RPRD2: variants seen among roughly 807,000 people sequenced by gnomAD.
The protein encoded by RPRD2 is regulation of nuclear pre-mRNA domain containing 2, also known as regulation of nuclear pre-mRNA domain-containing protein 2.
A neutral mutation model predicts 104.4 loss-of-function variants in RPRD2; 12 were observed. The ratio of observed to expected loss-of-function variants is 0.11; its 90% CI spans 0.07 to 0.19. The LOEUF (loss-of-function observed/expected upper bound fraction) is 0.19. RPRD2 is among the 10% of genes least tolerant of loss of function. RPRD2 has a pLI of 1.00. For synonymous variants in RPRD2, 714 were observed against 684.9 expected, an observed-to-expected ratio of 1.04 and a Z score of -0.66; for missense variants, 1,543 against 1,790.1, an observed-to-expected ratio of 0.86 and a Z score of 2.49.
intron 4 of RPRD2, among the ~76,000 whole-genome samples, 196 bp downstream of exon 4, chr1:150,442,154 C>G (rs1294427860): frequency 4.2e-5 from 6 of 141,374 alleles, no homozygotes; most frequent in Non-Finnish European, 9.2e-5. Context: ...CAAACAAAAA[C>G]TACACTTTAA....
At chr1:150,386,551 T>G (rs1390905936) in intron 1 of RPRD2, among the ~76,000 whole-genome samples, 1 of 152,190 alleles carries the variant, frequency 6.6e-6, no homozygotes, top group Non-Finnish European at 1.5e-5. Flanking sequence ...CAATCTGTGG[T>G]ACATATTGAG....
At chr1:150,434,165 G>C (rs868977841) in intron 2 of RPRD2, among the ~76,000 whole-genome samples, 2 of 152,110 alleles carry the variant, frequency 1.3e-5, no homozygotes, top group South Asian at 4.1e-4. Context: ...GACCAGCCTG[G>C]CCAACGTGGC....
chr1:150,431,787 G>A (rs1553891844), intron 2 of RPRD2, among the ~76,000 whole-genome samples: 2 of 151,922 alleles, frequency 1.3e-5, no homozygotes, highest in Non-Finnish European at 2.9e-5. Context: ...GGCCAAAAAG[G>A]AAGGAAATTC....
At chr1:150,451,110 A>C in intron 7 of RPRD2, among the ~76,000 whole-genome samples, 1 of 152,114 alleles carries the variant, frequency 6.6e-6, no homozygotes, top group East Asian at 1.9e-4. Context: ...CGTGACCTAA[A>C]TATGTTTGAA....
rs587687687 is a variant in RPRD2, at chr1:150,473,337, G to C, written c.*3G>C. 2.5e-6 allele frequency: 4 copies of C among 1,599,892 alleles called. No individual in the cohort carries two copies. In the Admixed American group the frequency reaches 5.2e-5, roughly 21 times the overall value. Reference sequence around the variant, plus strand: ...CATTCTTCCCTCCCAGGTACTGATGGAAACCAAGGGAAAGGCATTTTGAAC... The same window carrying C: ...CATTCTTCCCTCCCAGGTACTGATGCAAACCAAGGGAAAGGCATTTTGAAC... On this transcript the variant is annotated 3_prime_UTR_variant, in exon 11 of 11. Coordinates refer to ENST00000369068, the MANE Select transcript of RPRD2 (RefSeq NM_015203.5).
chr1:150,413,794 G>T (rs914897811), intron 1 of RPRD2, among the ~76,000 whole-genome samples: 3 of 150,072 alleles, frequency 2.0e-5, no homozygotes, highest in Non-Finnish European at 4.4e-5. Flanking sequence ...GCATGGTGAC[G>T]CATGCCTGTA....
Position 150,470,796 on chromosome 1 carries a change from G to A in RPRD2, c.1848G>A (p.Gly616=). The stretch of plus-strand genomic sequence containing the variant: ...AGGCCTCAATTGGGCAAAGCCCAGG[G>A]CTCCCAAGCACTACTTTTAAACTAC... ...ASKASIGQSP[G]LPSTTFKLPS... is the part of the protein sequence containing the mutation. Residue 616 remains glycine, a synonymous_variant, in exon 11 of 11, where the codon GGG becomes GGA. Coordinates refer to ENST00000369068, the MANE Select transcript of RPRD2 (RefSeq NM_015203.5). The A allele has an allele frequency of 6.2e-7, 1 of 1,613,976 alleles. No homozygotes were observed. Among genetic ancestry groups the A allele is most frequent in the Non-Finnish European group, 8.5e-7 (1 of 1,179,906 alleles).
At chr1:150,367,189 A>G (rs890247574) in intron 1 of RPRD2, among the ~76,000 whole-genome samples, 1 of 152,136 alleles carries the variant, frequency 6.6e-6, no homozygotes, top group Non-Finnish European at 1.5e-5. Context: ...ATTAAGGGTA[A>G]TTTTAGTCGT....
rs375555128 is a variant in RPRD2 at position 150,414,793 on chromosome 1, A to G, written c.206-2803A>G. 3.3e-5 allele frequency among the ~76,000 whole-genome samples: 5 copies of G among 152,342 alleles called. No homozygotes were observed. In the East Asian group the frequency reaches 9.6e-4, roughly 29 times the overall value. ...AAAAGCTCTTAGCATGGTAGATTGC[A>G]TAAGTGCAATAAAAGAGTGGCTCCT... On this transcript the variant is annotated intron_variant, in intron 1 of 10. Coordinates refer to ENST00000369068, the MANE Select transcript of RPRD2 (RefSeq NM_015203.5).
At chr1:150,435,976 A>AGAACATGTTCACTG (rs1553892995) in intron 2 of RPRD2, among the ~76,000 whole-genome samples, 14 of 152,242 alleles carry the variant, frequency 9.2e-5, no homozygotes, top group African/African-American at 3.4e-4. Flanking sequence ...TTCATATACA[A>AGAACATGTTCACTG]TTCTGAAAAT....
chr1:150,388,304 A>G (rs1661753363), intron 1 of RPRD2, among the ~76,000 whole-genome samples: 1 of 151,710 alleles, frequency 6.6e-6, no homozygotes, highest in Admixed American at 6.6e-5. Context: ...GAGTGCTTGT[A>G]TGTGTGTGTA....
At chr1:150,383,461 C>A (rs12404557) in intron 1 of RPRD2, among the ~76,000 whole-genome samples, 1 of 151,938 alleles carries the variant, frequency 6.6e-6, no homozygotes, top group Non-Finnish European at 1.5e-5. Flanking sequence ...ATTACAGATG[C>A]GCGTGCCACC....
At chr1:150,396,951 C>T (rs1013056952) in intron 1 of RPRD2, among the ~76,000 whole-genome samples, 23 of 152,150 alleles carry the variant, frequency 1.5e-4, no homozygotes, top group Non-Finnish European at 2.8e-4. Context: ...ATAAATTCAG[C>T]ATTATTAAAA....
At chr1:150,470,283 A>G (rs1413648524) in intron 10 of RPRD2, among the ~76,000 whole-genome samples, 1 of 152,132 alleles carries the variant, frequency 6.6e-6, no homozygotes, top group African/African-American at 2.4e-5. Flanking sequence ...TTCTGACATT[A>G]AAATCTCCCC....
chr1:150,447,260 T>A (rs1666845405), intron 7 of RPRD2, among the ~76,000 whole-genome samples: 1 of 151,278 alleles, frequency 6.6e-6, no homozygotes, highest in Non-Finnish European at 1.5e-5. Context: ...CTGGCCTTAC[T>A]TTTTTTCTTA....
intron 1 of RPRD2, among the ~76,000 whole-genome samples, chr1:150,372,016 A>G (rs920823989): frequency 6.6e-6 from 1 of 152,198 alleles, no homozygotes; most frequent in Admixed American, 6.5e-5. Context: ...AAAAAATGGA[A>G]CATAATTATT....
rs777252740 is a variant in RPRD2 at position 150,472,416 on chromosome 1, C to T, written c.3468C>T (p.Ser1156=). 8 of 1,613,928 alleles carry T rather than the reference C, an allele frequency of 5.0e-6. No homozygotes were observed. The highest frequency in any genetic ancestry group is 1.6e-4 in the Middle Eastern group (1 of 6,062). ...SELASLGGGG[S]GGLTGFKTAP... ...TGGCATCCCTTGGGGGTGGGGGCAG[C>T]GGAGGCCTCACTGGCTTTAAAACAG... The change falls in exon 11 of 11, where the codon AGC becomes AGT. Residue 1156 remains serine (S), a synonymous_variant. Coordinates refer to ENST00000369068, the MANE Select transcript of RPRD2 (RefSeq NM_015203.5).
At position 150,473,414 on chromosome 1, in the gene RPRD2, T is replaced by G. The variant is rs587636549; in HGVS notation, c.*80T>G. On this transcript the variant is annotated 3_prime_UTR_variant, in exon 11 of 11. Coordinates refer to ENST00000369068, the MANE Select transcript of RPRD2 (RefSeq NM_015203.5). ...TTTGGTTTATTGTTGTTGTTTTTAT[T>G]TGTTTTCTCTTTCTCGATTTTTTTT... The G allele has an allele frequency of 5.8e-6, 8 of 1,391,214 alleles. No individual in the cohort carries two copies. In the East Asian group the frequency reaches 1.9e-4, roughly 32 times the overall value. The allele number at this position is 1,391,214 out of a possible 1,614,324, so 86.2% of individuals were successfully genotyped here. A position where few individuals can be genotyped will look rare whatever the true frequency, so the allele number is the denominator to read the frequency against.
chr1:150,467,309 G>T (rs587612221), intron 10 of RPRD2, among the ~76,000 whole-genome samples: 1 of 152,264 alleles, frequency 6.6e-6, no homozygotes, highest in Admixed American at 6.5e-5. Flanking sequence ...AGCACATGTT[G>T]TACTACTAAT....
Sources: allele counts gnomAD v4.1 joint callset (sites outside exome capture counted in the v4.1 genomes callset), GRCh38; gene constraint gnomAD v4.1.1; transcripts MANE v1.5; gene names NCBI Gene and HGNC (gene_info 2026-07-23, HGNC 2026-07-21).